Variants in GRID2 observed in about 807,000 individuals in gnomAD.
The protein encoded by GRID2 is glutamate ionotropic receptor delta type subunit 2.
Under a neutral mutation model 114.8 loss-of-function variants are expected in GRID2, and 33 were observed. The observed-to-expected ratio is 0.29, with a 90% CI of 0.22 to 0.38. The LOEUF (loss-of-function observed/expected upper bound fraction) is 0.38. Ranked by LOEUF, GRID2 falls within the 10% of genes least tolerant of loss-of-function variation. The pLI is 1.00. For synonymous variants in GRID2, 505 were observed against 449.9 expected (o/e 1.12, Z -1.55); for missense variants, 1,184 against 1,257.7 (o/e 0.94, Z 0.89).
intron 9 of GRID2, among the ~76,000 whole-genome samples, chr4:93,407,777 CA>C (rs1766650801): frequency 1.7e-5 from 2 of 116,754 alleles, no homozygotes; most frequent in African/African-American, 3.9e-5. Flanking sequence ...TCCTCCTCCT[CA>C]TCCTCCTCGT....
chr4:92,745,616 G>C (rs1325351324), intron 2 of GRID2, among the ~76,000 whole-genome samples: 1 of 152,004 alleles, frequency 6.6e-6, no homozygotes, highest in Non-Finnish European at 1.5e-5. Context: ...GAAACAACTA[G>C]ATATTTAAAT....
At chr4:92,843,605 C>T (rs1221194225) in intron 2 of GRID2, among the ~76,000 whole-genome samples, 1 of 151,898 alleles carries the variant, frequency 6.6e-6, no homozygotes, top group African/African-American at 2.4e-5. Context: ...ACTGCTTTAC[C>T]CTTATACAAA....
intron 1 of GRID2, among the ~76,000 whole-genome samples, chr4:92,361,518 T>C (rs1728618955): frequency 6.6e-6 from 1 of 152,006 alleles, no homozygotes; most frequent in Admixed American, 6.6e-5. Flanking sequence ...CTGTATCTAG[T>C]ACATATTTTT....
intron 2 of GRID2, among the ~76,000 whole-genome samples, chr4:92,863,564 A>T (rs1560649256): frequency 6.6e-6 from 1 of 152,074 alleles, no homozygotes; most frequent in Admixed American, 6.6e-5. Flanking sequence ...TCCAAATTCC[A>T]CATCAGCTTT....
intron 1 of GRID2, among the ~76,000 whole-genome samples, chr4:92,412,888 C>T (rs538103872): frequency 2.0e-5 from 3 of 152,312 alleles, no homozygotes; most frequent in South Asian, 4.1e-4. Context: ...CTCCACATCA[C>T]AAATCAGAGG....
At chr4:93,020,580 G>A (rs1340087620) in intron 2 of GRID2, among the ~76,000 whole-genome samples, 1 of 152,056 alleles carries the variant, frequency 6.6e-6, no homozygotes, top group Non-Finnish European at 1.5e-5. Flanking sequence ...TTTAAAATGT[G>A]GGTTTAAAAT....
intron 2 of GRID2, among the ~76,000 whole-genome samples, chr4:92,912,930 C>T (rs1440957530): frequency 6.6e-6 from 1 of 151,690 alleles, no homozygotes; most frequent in African/African-American, 2.4e-5. Context: ...ATCCATGACA[C>T]CAATTTGGAA....
chr4:92,669,882 C>T (rs1393881398), intron 2 of GRID2, among the ~76,000 whole-genome samples: 1 of 152,004 alleles, frequency 6.6e-6, no homozygotes, highest in African/African-American at 2.4e-5. Context: ...CTTCAATTGA[C>T]TATCATGATT....
At chr4:92,635,637 A>C (rs970768247) in intron 2 of GRID2, among the ~76,000 whole-genome samples, 1 of 152,072 alleles carries the variant, frequency 6.6e-6, no homozygotes. Context: ...GAAAACTTTT[A>C]TATAATCTCC....
chr4:93,254,644 G>C (rs540839916), intron 8 of GRID2, among the ~76,000 whole-genome samples: 2 of 152,150 alleles, frequency 1.3e-5, no homozygotes, highest in South Asian at 2.1e-4. Context: ...TCAGTGACAG[G>C]CTTATGCATT....
At chr4:92,582,115 G>A (rs112590769) in intron 1 of GRID2, among the ~76,000 whole-genome samples, 4,263 of 152,024 alleles carry the variant, frequency 0.028, 178 homozygotes, top group African/African-American at 0.089. Flanking sequence ...GATAGTTTCT[G>A]TACCTGGCCA....
intron 2 of GRID2, among the ~76,000 whole-genome samples, chr4:92,692,250 T>C (rs1414590167): frequency 6.6e-6 from 1 of 152,212 alleles, no homozygotes; most frequent in Non-Finnish European, 1.5e-5. Flanking sequence ...AGTTCTATTT[T>C]GTTGGGCTTT....
At chr4:92,858,536 T>G (rs763847753) in intron 2 of GRID2, among the ~76,000 whole-genome samples, 3 of 152,114 alleles carry the variant, frequency 2.0e-5, no homozygotes, top group Non-Finnish European at 4.4e-5. Flanking sequence ...TGATAAAATT[T>G]TAATGAATGA....
At chr4:92,719,017 C>T (rs1008672985) in intron 2 of GRID2, among the ~76,000 whole-genome samples, 3 of 150,944 alleles carry the variant, frequency 2.0e-5, no homozygotes, top group African/African-American at 4.9e-5. Context: ...GATGGAGTCT[C>T]GCTCTGTCAC....
chr4:93,596,061 G>A lies in GRID2; in HGVS notation c.2194-30208G>A, dbSNP rs1429043741. On this transcript the variant is annotated intron_variant, in intron 13 of 15. Transcript: ENST00000282020. ...ACATCTGTGTGGCAGAACTGGGTTCGAAATGAGATCTATATGTAAAGGCTA... is the reference window on the plus strand; with the variant it reads ...ACATCTGTGTGGCAGAACTGGGTTCAAAATGAGATCTATATGTAAAGGCTA... Among the ~76,000 whole-genome samples the A allele has an allele frequency of 5.3e-5, 8 of 152,126 alleles. 1 individual carries two copies. Among genetic ancestry groups the A allele is most frequent in the South Asian group, 2.1e-4 (1 of 4,822 alleles).
chr4:92,831,284 A>G (rs774361996), intron 2 of GRID2, among the ~76,000 whole-genome samples: 2 of 152,200 alleles, frequency 1.3e-5, no homozygotes, highest in Admixed American at 1.3e-4. Flanking sequence ...ACTTTTCAGA[A>G]TATGAGTGAG....
chr4:93,785,204 G>A (rs752636688), intron 1 of GRID2, among the ~76,000 whole-genome samples: 1 of 152,188 alleles, frequency 6.6e-6, no homozygotes, highest in Non-Finnish European at 1.5e-5. Context: ...CCTAATGTTT[G>A]AGTTTCGTAC....
chr4:92,518,772 C>A (rs1579506113), intron 1 of GRID2, among the ~76,000 whole-genome samples: 1 of 151,908 alleles, frequency 6.6e-6, no homozygotes, highest in South Asian at 2.1e-4. Context: ...CTTTTAAATG[C>A]AGTCATTTAC....
At chr4:92,704,766 CCCCT>C (rs1031713498) in intron 2 of GRID2, among the ~76,000 whole-genome samples, 10 of 102,508 alleles carry the variant, frequency 9.8e-5, no homozygotes, top group Non-Finnish European at 1.8e-4. Flanking sequence ...TCCCTCTCTG[CCCCT>C]CCCTCCCTCC....
Sources: gnomAD v4.1 joint callset for allele counts (sites outside exome capture counted in the v4.1 genomes callset) on GRCh38, gnomAD v4.1.1 for gene constraint, MANE v1.5 for transcripts, NCBI Gene and HGNC (gene_info 2026-07-23, HGNC 2026-07-21) for gene names.